Variants in FARS2 observed in about 807,000 individuals in gnomAD.
FARS2 encodes the protein phenylalanyl-tRNA synthetase 2, mitochondrial.
Under a neutral mutation model 46.4 loss-of-function variants are expected in FARS2, and 40 were observed. The ratio of observed to expected loss-of-function variants is 0.86; its 90% CI spans 0.67 to 1.12. The LOEUF is 1.12. Among genes scored for constraint, FARS2 ranks in the 50% most tolerant of loss-of-function variants. The pLI, the probability that FARS2 is intolerant of heterozygous loss-of-function variation, is 0.00. For missense variants in FARS2, 513 were observed against 567.9 expected (o/e 0.90, Z 0.98); for synonymous variants, 234 against 214.9 (o/e 1.09, Z -0.78).
In FARS2 at chr6:5,615,856, C is replaced by G. The variant is rs537472952; in HGVS notation, c.1217+2536C>G. Among the ~76,000 whole-genome samples the G allele has an allele frequency of 2.6e-5, 4 of 152,118 alleles. No homozygotes were observed. In the South Asian group the frequency reaches 8.3e-4, roughly 32 times the overall value. On this transcript the variant is annotated intron_variant, in intron 6 of 6. Transcript: ENST00000274680. ...TCTAGAATGCCAAGAAACCAACTTT[C>G]TTTAAACATGACTCATCTCTTCGAT...
chr6:5,384,094 G>GT (rs1315148665), intron 2 of FARS2, among the ~76,000 whole-genome samples: 1 of 152,146 alleles, frequency 6.6e-6, no homozygotes, highest in African/African-American at 2.4e-5. Context: ...AGAATGGGGT[G>GT]TTTTTTGTTG....
At chr6:5,427,908 A>C (rs781389482) in intron 3 of FARS2, among the ~76,000 whole-genome samples, 11 of 152,186 alleles carry the variant, frequency 7.2e-5, no homozygotes, top group Non-Finnish European at 1.3e-4. Context: ...CAAAGCTATA[A>C]TTGTTTTTTC....
chr6:5,696,086 C>A (rs1339367199), intron 6 of FARS2, among the ~76,000 whole-genome samples: 6 of 152,208 alleles, frequency 3.9e-5, no homozygotes, highest in African/African-American at 1.4e-4. Flanking sequence ...GCGTGCAGGA[C>A]AACAGGTACC....
intron 6 of FARS2, among the ~76,000 whole-genome samples, chr6:5,739,482 TG>T (rs1761180540): frequency 6.6e-6 from 1 of 152,190 alleles, no homozygotes; most frequent in Non-Finnish European, 1.5e-5. Flanking sequence ...AGCAGTGGAT[TG>T]TTTTTTATGT....
At chr6:5,255,735 C>A in the FARS2 span, among the ~76,000 whole-genome samples, 1 of 152,086 alleles carries the variant, frequency 6.6e-6, no homozygotes, top group Admixed American at 6.5e-5. Flanking sequence ...CTTGGCATGA[C>A]CAAACTTTTG....
At chr6:5,260,292 A>C (rs116361549), upstream of FARS2, among the ~76,000 whole-genome samples, 390 of 152,348 alleles carry the variant, frequency 2.6e-3, 2 homozygotes, top group African/African-American at 8.8e-3. Context: ...GAAGTTTTAC[A>C]TATGCAACAC....
intron 6 of FARS2, among the ~76,000 whole-genome samples, chr6:5,696,140 A>G (rs1052337292): frequency 6.6e-6 from 1 of 152,216 alleles, no homozygotes; most frequent in African/African-American, 2.4e-5. Context: ...GTACAACTCT[A>G]TATTAAAACT....
At chr6:5,621,485 C>G (rs115986866) in intron 6 of FARS2, among the ~76,000 whole-genome samples, 234 of 152,260 alleles carry the variant, frequency 1.5e-3, no homozygotes, top group African/African-American at 5.2e-3. Context: ...TAATGAATGG[C>G]CTTCCCAGTT....
intron 6 of FARS2, among the ~76,000 whole-genome samples, chr6:5,731,596 G>A (rs1241450893): frequency 6.6e-6 from 1 of 152,122 alleles, no homozygotes; most frequent in Non-Finnish European, 1.5e-5. Flanking sequence ...GATCTCCTGT[G>A]TACTCCTCTA....
intron 6 of FARS2, among the ~76,000 whole-genome samples, chr6:5,705,711 G>A (rs910261509): frequency 3.9e-5 from 6 of 152,018 alleles, no homozygotes; most frequent in African/African-American, 1.2e-4. Flanking sequence ...GTCTCTGCTC[G>A]AGCCATTTGG....
intron 1 of FARS2, among the ~76,000 whole-genome samples, chr6:5,274,042 T>TATTC (rs1262620872): frequency 6.6e-6 from 1 of 152,242 alleles, no homozygotes; most frequent in African/African-American, 2.4e-5. Flanking sequence ...TTATCATAGA[T>TATTC]ATTCACGTAC....
intron 4 of FARS2, among the ~76,000 whole-genome samples, chr6:5,473,262 C>T (rs1765903457): frequency 6.6e-6 from 1 of 152,108 alleles, no homozygotes; most frequent in Non-Finnish European, 1.5e-5. Context: ...CGCGGTGGCT[C>T]ATGCCTGTAA....
At chr6:5,541,697 G>T (rs540299844) in intron 4 of FARS2, among the ~76,000 whole-genome samples, 1 of 152,240 alleles carries the variant, frequency 6.6e-6, no homozygotes, top group African/African-American at 2.4e-5. Flanking sequence ...CTTGGATCTC[G>T]TGTGAAAAAG....
intron 5 of FARS2, among the ~76,000 whole-genome samples, chr6:5,602,082 A>T (rs1471048220): frequency 6.6e-6 from 1 of 152,228 alleles, no homozygotes; most frequent in Admixed American, 6.5e-5. Context: ...GAAGGAAACC[A>T]GAGAATGACT....
chr6:5,680,734 G>T (rs1359321703), intron 6 of FARS2, among the ~76,000 whole-genome samples: 1 of 128,300 alleles, frequency 7.8e-6, no homozygotes, highest in Non-Finnish European at 1.6e-5. Context: ...AAGTACAGAC[G>T]TTGTCTTTTT....
chr6:5,645,470 C>T (rs1289350182), intron 6 of FARS2, among the ~76,000 whole-genome samples: 2 of 152,204 alleles, frequency 1.3e-5, no homozygotes. Flanking sequence ...CCTCTGTCCC[C>T]ACACACAGTC....
chr6:5,336,374 A>G (rs1169510009), intron 1 of FARS2, among the ~76,000 whole-genome samples: 1 of 152,126 alleles, frequency 6.6e-6, no homozygotes, highest in African/African-American at 2.4e-5. Context: ...ACCCATATAA[A>G]CTAGAAGCTA....
At chr6:5,675,992 C>T (rs1561793216) in intron 6 of FARS2, among the ~76,000 whole-genome samples, 2 of 151,890 alleles carry the variant, frequency 1.3e-5, no homozygotes, top group Non-Finnish European at 2.9e-5. Flanking sequence ...GGAAATTTCA[C>T]TTTTTTTACT....
intron 3 of FARS2, among the ~76,000 whole-genome samples, chr6:5,408,645 G>A (rs1329281016): frequency 3.9e-5 from 6 of 152,152 alleles, no homozygotes; most frequent in Non-Finnish European, 5.9e-5. Flanking sequence ...ACAAGATAAC[G>A]TGAAAGATGC....
Sources: gnomAD v4.1 joint callset for allele counts (sites outside exome capture counted in the v4.1 genomes callset) on GRCh38, gnomAD v4.1.1 for gene constraint, MANE v1.5 for transcripts, NCBI Gene and HGNC (gene_info 2026-07-23, HGNC 2026-07-21) for gene names.